FLVCR2: variants seen among roughly 807,000 people sequenced by gnomAD.
The protein encoded by FLVCR2 is FLVCR choline and putative heme transporter 2, also known as choline/ethanolamine transporter FLVCR2.
A neutral mutation model predicts 48.9 loss-of-function variants in FLVCR2; 38 were observed. The ratio of observed to expected loss-of-function variants is 0.78; its 90% CI spans 0.60 to 1.02. The LOEUF is 1.02. FLVCR2 is among the 50% of genes least tolerant of loss of function. FLVCR2 has a pLI of 0.00. For missense variants in FLVCR2, 664 were observed against 663.3 expected, an observed-to-expected ratio of 1.00 and a Z score of -0.01; for synonymous variants, 255 against 257.0, an observed-to-expected ratio of 0.99 and a Z score of 0.07.
chr14:75,601,589 G>A (rs1889167897), intron 1 of FLVCR2, among the ~76,000 whole-genome samples: 1 of 152,172 alleles, frequency 6.6e-6, no homozygotes, highest in South Asian at 2.1e-4. Context: ...TGGTGGGAAT[G>A]TAAAATGGTG....
intron 1 of FLVCR2, among the ~76,000 whole-genome samples, chr14:75,614,019 A>G (rs182954686): frequency 6.6e-6 from 1 of 152,332 alleles, no homozygotes; most frequent in East Asian, 1.9e-4. Flanking sequence ...GTGTGCATAG[A>G]GGTATGTAGA....
intron 1 of FLVCR2, among the ~76,000 whole-genome samples, chr14:75,606,421 C>T (rs909915216): frequency 2.6e-5 from 4 of 152,134 alleles, no homozygotes; most frequent in Admixed American, 6.5e-5. Context: ...ACCTTTATCC[C>T]GGGCTTCCTG....
At chr14:75,601,329 C>T (rs1889162352) in intron 1 of FLVCR2, among the ~76,000 whole-genome samples, 1 of 152,348 alleles carries the variant, frequency 6.6e-6, no homozygotes, top group East Asian at 1.9e-4. Flanking sequence ...CCAGCTTGGG[C>T]ATTAGGGCCA....
intron 3 of FLVCR2, among the ~76,000 whole-genome samples, chr14:75,632,001 C>T (rs1890054362): frequency 6.6e-6 from 1 of 152,184 alleles, no homozygotes; most frequent in Non-Finnish European, 1.5e-5. Flanking sequence ...GCCCACTGTG[C>T]TGCTCAGGAG....
At chr14:75,585,930 C>T (rs974390242) in intron 1 of FLVCR2, among the ~76,000 whole-genome samples, 5 of 152,246 alleles carry the variant, frequency 3.3e-5, no homozygotes, top group South Asian at 2.1e-4. Context: ...ACCGCTTACC[C>T]GATTGAAATT....
chr14:75,632,294 C>T (rs1301853705), intron 3 of FLVCR2, among the ~76,000 whole-genome samples: 2 of 152,150 alleles, frequency 1.3e-5, no homozygotes, highest in Non-Finnish European at 2.9e-5. Context: ...TCCCTGGGAA[C>T]CTGATAAAGG....
rs530223655 is a variant in FLVCR2 at position 75,589,197 on chromosome 14, C to CAG, written c.669+9566_669+9567dup. On this transcript the variant is annotated intron_variant, in intron 1 of 9. Coordinates refer to ENST00000238667, the MANE Select transcript of FLVCR2 (RefSeq NM_017791.3). ...TGCCACTGCACTCCAGCCTTGGTGA[C>CAG]AGAGAGAGAGACCCTGTTTCAAAAA... Among the ~76,000 whole-genome samples the CAG allele has an allele frequency of 4.4e-4, 67 of 152,142 alleles. No homozygotes were observed. The South Asian group carries it at 0.012, about 28-fold the overall frequency.
chr14:75,639,030 C>T (rs1270853141), intron 5 of FLVCR2, among the ~76,000 whole-genome samples: 1 of 152,100 alleles, frequency 6.6e-6, no homozygotes. Context: ...GCCTGGCCAA[C>T]ACGGCAAAAC....
chr14:75,627,553 G>T (rs1410724398), intron 3 of FLVCR2, among the ~76,000 whole-genome samples: 1 of 152,206 alleles, frequency 6.6e-6, no homozygotes, highest in Non-Finnish European at 1.5e-5. Flanking sequence ...CTGTCTCATA[G>T]CCATTGGAGG....
chr14:75,645,033 GGTGTGTGTGT>G (rs71119379), intron 9 of FLVCR2, among the ~76,000 whole-genome samples: 1 of 13,066 alleles, frequency 7.7e-5, no homozygotes, highest in Non-Finnish European at 2.8e-4. Context: ...AGGCGGGCGT[GGTGTGTGTGT>G]GTGTGTGTGT....
intron 8 of FLVCR2, 139 bp downstream of exon 8, chr14:75,641,432 A>T (rs894746866): frequency 4.2e-6 from 3 of 710,794 alleles, no homozygotes; most frequent in Non-Finnish European, 7.7e-6. Flanking sequence ...GGGAGGCAGC[A>T]CATTGTTTTG....
intron 1 of FLVCR2, among the ~76,000 whole-genome samples, chr14:75,594,832 C>T (rs1398003891): frequency 6.6e-6 from 1 of 152,108 alleles, no homozygotes; most frequent in Non-Finnish European, 1.5e-5. Flanking sequence ...TGATCCCCTG[C>T]CTCAGGCTCC....
chr14:75,586,304 C>A (rs1240425197), intron 1 of FLVCR2, among the ~76,000 whole-genome samples: 1 of 152,170 alleles, frequency 6.6e-6, no homozygotes, highest in Admixed American at 6.5e-5. Context: ...TTACAAAGAA[C>A]CTTCTTAAGG....
intron 1 of FLVCR2, among the ~76,000 whole-genome samples, chr14:75,603,356 G>A (rs1442672400): frequency 2.6e-5 from 4 of 152,194 alleles, no homozygotes; most frequent in South Asian, 4.1e-4. Context: ...CCAGACATCA[G>A]AGAGAAGCAG....
At chr14:75,624,119 T>G (rs560104947) in intron 2 of FLVCR2, among the ~76,000 whole-genome samples, 1 of 150,936 alleles carries the variant, frequency 6.6e-6, no homozygotes, top group South Asian at 2.1e-4. Flanking sequence ...CCCAGCACTA[T>G]GGGGGGCTGA....
At chr14:75,621,330 C>G (rs1279339479) in intron 1 of FLVCR2, among the ~76,000 whole-genome samples, 1 of 151,580 alleles carries the variant, frequency 6.6e-6, no homozygotes, top group Non-Finnish European at 1.5e-5. Flanking sequence ...ATTGCTTGAA[C>G]CCAGGAGGCG....
chr14:75,634,678 C>T (rs912515184), intron 4 of FLVCR2, among the ~76,000 whole-genome samples: 4 of 152,176 alleles, frequency 2.6e-5, no homozygotes, highest in Admixed American at 2.6e-4. Flanking sequence ...AGATTTGGTT[C>T]ATCCTTGTCA....
intron 1 of FLVCR2, among the ~76,000 whole-genome samples, chr14:75,583,228 C>T (rs907421390): frequency 6.6e-6 from 1 of 152,090 alleles, no homozygotes; most frequent in Non-Finnish European, 1.5e-5. Flanking sequence ...GGCTTTGGCA[C>T]CACGGACTGG....
chr14:75,626,272 G>A (rs937642022), intron 3 of FLVCR2, among the ~76,000 whole-genome samples: 43 of 151,158 alleles, frequency 2.8e-4, no homozygotes, highest in Non-Finnish European at 5.4e-4. Context: ...GATTACAGGT[G>A]TGAGCCACTG....
Sources: allele counts gnomAD v4.1 joint callset (sites outside exome capture counted in the v4.1 genomes callset), GRCh38; gene constraint gnomAD v4.1.1; transcripts MANE v1.5; gene names NCBI Gene and HGNC (gene_info 2026-07-23, HGNC 2026-07-21).